Variants in CP observed in about 807,000 individuals in gnomAD.
CP encodes caeruloplasmin.
Under a neutral mutation model 122.4 loss-of-function variants are expected in CP, and 64 were observed. The ratio of observed to expected loss-of-function variants is 0.52; its 90% CI spans 0.43 to 0.64. The LOEUF (loss-of-function observed/expected upper bound fraction) is 0.64, where lower values mean the gene tolerates loss of function less well. Ranked by LOEUF, CP falls within the 30% of genes least tolerant of loss-of-function variation. The pLI is 0.00. For synonymous variants in CP, 440 were observed against 436.4 expected, an observed-to-expected ratio of 1.01 and a Z score of -0.10; for missense variants, 1,167 against 1,284.4, an observed-to-expected ratio of 0.91 and a Z score of 1.40.
At chr3:149,214,093 A>C (rs561425913) in intron 1 of CP, among the ~76,000 whole-genome samples, 1 of 152,292 alleles carries the variant, frequency 6.6e-6, no homozygotes, top group East Asian at 1.9e-4. Flanking sequence ...GCCCTGGGTA[A>C]CCTGTGTTGA....
intron 18 of CP, 23 bp from the exon 19 acceptor site, chr3:149,173,753 A>G (rs971542752): frequency 8.1e-7 from 1 of 1,240,982 alleles, no homozygotes; most frequent in Non-Finnish European, 1.1e-6. Flanking sequence ...AAATTTTAAG[A>G]CCATTATTAA....
At chr3:149,199,182 T>G (rs1385505846) in intron 8 of CP, among the ~76,000 whole-genome samples, 1 of 152,182 alleles carries the variant, frequency 6.6e-6, no homozygotes, top group Admixed American at 6.5e-5. Flanking sequence ...AAATTATGTT[T>G]ATAAAACCCT....
At chr3:149,215,033 C>T (rs1244404353) in intron 1 of CP, among the ~76,000 whole-genome samples, 1 of 152,164 alleles carries the variant, frequency 6.6e-6, no homozygotes, top group Non-Finnish European at 1.5e-5. Flanking sequence ...TCTTAAGAGT[C>T]TGAACACACT....
chr3:149,187,998 T>C, intron 10 of CP, 54 bp downstream of exon 10: 1 of 1,580,448 alleles, frequency 6.3e-7, no homozygotes. Flanking sequence ...TTAAAAGCAT[T>C]ACATATGCAG....
intron 9 of CP, among the ~76,000 whole-genome samples, chr3:149,189,478 C>G (rs1559943416): frequency 6.6e-6 from 1 of 150,450 alleles, no homozygotes; most frequent in South Asian, 2.1e-4. Context: ...GGCGTGAACC[C>G]AGGAGGTGGA....
chr3:149,183,471 A>ACT lies in CP; in HGVS notation c.2419_2420insAG (p.Ile807LysfsTer3), dbSNP rs1207021051. 1 of 1,611,462 alleles carries ACT rather than the reference A, an allele frequency of 6.2e-7. No individual in the cohort carries two copies. On this transcript the variant is annotated frameshift_variant, in exon 13 of 19. Coordinates refer to ENST00000264613, the MANE Select transcript of CP (RefSeq NM_000096.4). LOFTEE classifies it high-confidence loss of function. ...AACTGGAGATATTAACATACCTAGAATTCCCAGATGTTCTTCTTCAGCTTT... is the reference window on the plus strand; with the variant it reads ...AACTGGAGATATTAACATACCTAGAACTTTCCCAGATGTTCTTCTTCAGCTTT...
At position 149,173,729 on chromosome 3, in the gene CP, G is replaced by A. The variant is rs184845153; in HGVS notation, c.3183C>T (p.Asp1061=). 57 of 1,434,670 alleles carry A rather than the reference G, an allele frequency of 4.0e-5. No homozygotes were observed. The Admixed American group carries it at 6.1e-4, about 15-fold the overall frequency. The allele number at this position is 1,434,670 out of a possible 1,614,324, so 88.9% of individuals were successfully genotyped here. The stretch of plus-strand genomic sequence containing the variant: ...TTTATTTCATTCAGCCAGATTTGGT[G>A]TCTATAGAAAAAGAAATTTTAAGAC... ...ETTYTVLQNE[D]TKSG The change falls in exon 19 of 19, where the codon GAC becomes GAT. Residue 1061 remains aspartate, a splice_region_variant and synonymous_variant. Coordinates refer to ENST00000264613, the MANE Select transcript of CP (RefSeq NM_000096.4).
intron 6 of CP, among the ~76,000 whole-genome samples, chr3:149,205,241 T>C (rs1727625959): frequency 6.6e-6 from 1 of 150,574 alleles, no homozygotes; most frequent in South Asian, 2.1e-4. Context: ...TGTGAAGAAA[T>C]TGAAACCCCT....
At position 149,202,133 on chromosome 3, in the gene CP, T is replaced by G. The variant is rs1490295260; in HGVS notation, c.1317A>C (p.Arg439Ser). ...TDASFTNRKE[R>S]GPEEEHLGIL... The stretch of plus-strand genomic sequence containing the variant: ...TGCCAAGATGCTCTTCTTCAGGGCC[T>G]CTCTCCTTTCGATTTGTGAAGGAGG... Residue 439 changes from arginine to serine, a missense_variant, in exon 7 of 19, where the codon AGA (arginine) becomes AGC (serine). Coordinates refer to ENST00000264613, the MANE Select transcript of CP (RefSeq NM_000096.4). The G allele has an allele frequency of 6.2e-7, 1 of 1,614,148 alleles. No individual in the cohort carries two copies. The highest frequency in any genetic ancestry group is 1.1e-5 in the South Asian group (1 of 91,080).
intron 3 of CP, among the ~76,000 whole-genome samples, chr3:149,209,661 T>G (rs958927719): frequency 2.6e-5 from 4 of 152,154 alleles, no homozygotes; most frequent in Non-Finnish European, 5.9e-5. Flanking sequence ...TTCAAAGTTG[T>G]GCGTCTATTT....
downstream of CP, among the ~76,000 whole-genome samples, chr3:149,171,021 G>A (rs1273404293): frequency 6.6e-6 from 1 of 152,034 alleles, no homozygotes; most frequent in Non-Finnish European, 1.5e-5. Context: ...GGCTCACGCC[G>A]GTAATCCCAG....
chr3:149,165,595 G>T (rs969194349), intron 5 of CP, among the ~76,000 whole-genome samples: 5 of 151,922 alleles, frequency 3.3e-5, no homozygotes, highest in Non-Finnish European at 5.9e-5. Flanking sequence ...TCCCACCTCG[G>T]GTTCCCAAAG....
At chr3:149,201,107 GGATTGATT>G (rs10631065) in intron 7 of CP, among the ~76,000 whole-genome samples, 1,567 of 151,594 alleles carry the variant, frequency 0.01, 31 homozygotes, top group African/African-American at 0.036. Flanking sequence ...TAGTAGCCTG[GGATTGATT>G]GATTGATTGA....
intron 5 of CP, chr3:149,163,757 T>G (rs1172080664): frequency 3.9e-6 from 3 of 772,222 alleles, no homozygotes; most frequent in Non-Finnish European, 6.9e-6. Flanking sequence ...TGGCAGAGAA[T>G]TAATGATTGC....
Position 149,207,574 on chromosome 3 carries a change from C to T in CP, c.825G>A (p.Met275Ile). 3 of 1,613,960 alleles carry T rather than the reference C, an allele frequency of 1.9e-6. No individual in the cohort carries two copies. The highest frequency in any genetic ancestry group is 2.5e-6 in the Non-Finnish European group (3 of 1,179,814). The change falls in exon 5 of 19, where the codon ATG becomes ATA. Residue 275 changes from methionine (M) to isoleucine (I), a missense_variant. By Grantham distance (10) the Met-to-Ile change is conservative. Coordinates refer to ENST00000264613, the MANE Select transcript of CP (RefSeq NM_000096.4). ...ACCATTTTACTCTGTCTTCAGCACA[C>T]ATGGAGAGTCCTGGGAGACTTCCAA... ...YTFGSLPGLSMCAEDRVKWYL... is the reference protein window; with the variant it reads ...YTFGSLPGLSICAEDRVKWYL...
At chr3:149,195,856 A>T (rs749371647) in intron 9 of CP, among the ~76,000 whole-genome samples, 67 of 150,318 alleles carry the variant, frequency 4.5e-4, no homozygotes, top group Non-Finnish European at 8.4e-4. Flanking sequence ...ACAGAGCGAG[A>T]CACCGTCTCA....
chr3:149,200,650 C>T (rs1196071774), intron 7 of CP, among the ~76,000 whole-genome samples: 13 of 151,742 alleles, frequency 8.6e-5, no homozygotes, highest in Admixed American at 5.3e-4. Context: ...TACAGGCACT[C>T]GCCACCACGC....
chr3:149,186,387 T>C (rs889113181), intron 11 of CP, 133 bp downstream of exon 11: 2 of 836,988 alleles, frequency 2.4e-6, no homozygotes, highest in Admixed American at 4.0e-5. Context: ...AGACTTGCTC[T>C]TTCAAAGATA....
intron 13 of CP, among the ~76,000 whole-genome samples, chr3:149,182,335 G>A (rs1233761501): frequency 6.6e-6 from 1 of 152,178 alleles, no homozygotes; most frequent in Non-Finnish European, 1.5e-5. Flanking sequence ...AAGAGTTCTA[G>A]GGGAGGTTTG....
Sources: allele counts gnomAD v4.1 joint callset (sites outside exome capture counted in the v4.1 genomes callset), GRCh38; gene constraint gnomAD v4.1.1; transcripts MANE v1.5; gene names NCBI Gene and HGNC (gene_info 2026-07-23, HGNC 2026-07-21).